The following PDE4D variants were observed in gnomAD, a reference collection of about 807,000 sequenced individuals.
PDE4D encodes the protein phosphodiesterase 4D.
Under a neutral mutation model 87.4 loss-of-function variants are expected in PDE4D, and 24 were observed. The ratio of observed to expected loss-of-function variants is 0.27; its 90% CI spans 0.20 to 0.39. The LOEUF (loss-of-function observed/expected upper bound fraction) is 0.39, where lower values mean the gene tolerates loss of function less well. Ranked by LOEUF, PDE4D falls within the 10% of genes least tolerant of loss-of-function variation. PDE4D has a pLI of 1.00. For synonymous variants in PDE4D, 384 were observed against 383.2 expected (o/e 1.00, Z -0.02); for missense variants, 714 against 1,041.0 (o/e 0.69, Z 4.32).
intron 5 of PDE4D, among the ~76,000 whole-genome samples, chr5:59,143,162 C>T (rs1482175090): frequency 6.7e-6 from 1 of 149,988 alleles, no homozygotes; most frequent in African/African-American, 2.5e-5. Flanking sequence ...CCTTCCCTTC[C>T]TCCCTCCTTC....
chr5:59,771,470 A>AAAGAGAGAGAGAGAG (rs1561637129), intron 1 of PDE4D, among the ~76,000 whole-genome samples: 7 of 92,340 alleles, frequency 7.6e-5, no homozygotes, highest in African/African-American at 3.5e-4. Flanking sequence ...AGAAAGAAAG[A>AAAGAGAGAGAGAGAG]AAGAAAGAAA....
chr5:60,459,951 C>G (rs1171205722), intron 1 of PDE4D: 4 of 744,258 alleles, frequency 5.4e-6, no homozygotes, highest in Non-Finnish European at 7.3e-6. Flanking sequence ...TTTATCCTTC[C>G]TCCTCTTCAT....
At chr5:59,300,152 C>T (rs757647837) in intron 1 of PDE4D, among the ~76,000 whole-genome samples, 2 of 145,996 alleles carry the variant, frequency 1.4e-5, no homozygotes, top group East Asian at 3.9e-4. Flanking sequence ...TACAGTGTCA[C>T]GTGAATCACA....
chr5:59,685,608 C>T (rs298073), intron 1 of PDE4D, among the ~76,000 whole-genome samples: 114,482 of 152,118 alleles, frequency 0.75, 43,204 homozygotes, highest in East Asian at 0.84. Flanking sequence ...TAATAGGAAG[C>T]AAACAATTGT....
Position 60,114,940 on chromosome 5 carries a change from A to C in PDE4D, c.42+70617T>G, listed in dbSNP as rs150101084. ...ATATAATCACATAGATTAGATAGAT[A>C]CATGGATGGATGGATGGATGGATGG... On this transcript the variant is annotated intron_variant, in intron 2 of 16. Transcript: ENST00000502484. 1.7e-4 allele frequency among the ~76,000 whole-genome samples: 12 copies of C among 71,704 alleles called. 1 individual carries two copies. Among genetic ancestry groups the C allele is most frequent in the African/African-American group, 6.0e-4 (11 of 18,268 alleles). The allele number at this position is 71,704 out of a possible 152,430, so 47.0% of individuals were successfully genotyped here.
chr5:59,942,768 T>C (rs138487736), intron 3 of PDE4D, among the ~76,000 whole-genome samples: 153 of 148,928 alleles, frequency 1.0e-3, no homozygotes, highest in Middle Eastern at 3.5e-3. Context: ...GGAATATAGC[T>C]AGAGAGAATA....
intron 1 of PDE4D, among the ~76,000 whole-genome samples, chr5:59,593,951 G>A (rs1431922537): frequency 6.6e-6 from 1 of 152,114 alleles, no homozygotes; most frequent in Non-Finnish European, 1.5e-5. Flanking sequence ...CTGAAGCTTG[G>A]TTCTTCCTGA....
Position 60,006,192 on chromosome 5 carries a change from G to A in PDE4D, c.43-17475C>T, listed in dbSNP as rs189940884. ...ATGAAACAAGAACTAGTTGTATATC[G>A]AGAATTGTTAAAACTGGGTGATGAG... On this transcript the variant is annotated intron_variant, in intron 2 of 16. Coordinates refer to the PDE4D transcript ENST00000502484. Among the ~76,000 whole-genome samples the A allele has an allele frequency of 1.8e-3, 271 of 151,892 alleles. 1 individual carries two copies. Among genetic ancestry groups the A allele is most frequent in the African/African-American group, 6.0e-3 (248 of 41,506 alleles).
chr5:60,299,947 T>A (rs1241334250), intron 1 of PDE4D, among the ~76,000 whole-genome samples: 1 of 152,226 alleles, frequency 6.6e-6, no homozygotes, highest in East Asian at 1.9e-4. Flanking sequence ...ATGGTATTTC[T>A]GCCTCAAGGT....
At chr5:59,928,758 C>T (rs1431535231) in intron 3 of PDE4D, among the ~76,000 whole-genome samples, 12 of 151,828 alleles carry the variant, frequency 7.9e-5, no homozygotes, top group Admixed American at 7.9e-4. Context: ...CTGTATATAT[C>T]TCTCTTTATA....
At chr5:59,999,111 T>A (rs571962739) in intron 2 of PDE4D, among the ~76,000 whole-genome samples, 1 of 152,210 alleles carries the variant, frequency 6.6e-6, no homozygotes, top group African/African-American at 2.4e-5. Context: ...AAAATAATAG[T>A]CTCATTGAAA....
chr5:59,173,946 T>C (rs1256699850), intron 5 of PDE4D, among the ~76,000 whole-genome samples: 4 of 152,216 alleles, frequency 2.6e-5, no homozygotes. Flanking sequence ...AAACTATATA[T>C]ACTACTTGCT....
rs1308199009 is a variant in PDE4D, at chr5:60,337,374, T to TAA, written c.-90+150567_-90+150568insTT. ...AACTATATATATATATATATATATATATATATATATATATACACACACACA... is the reference window on the plus strand; with the variant it reads ...AACTATATATATATATATATATATATAAATATATATATATATACACACACACA... On this transcript the variant is annotated intron_variant, in intron 1 of 16. Coordinates refer to the PDE4D transcript ENST00000502484. Among the ~76,000 whole-genome samples the TAA allele has an allele frequency of 4.2e-5, 5 of 118,140 alleles. 1 individual carries two copies. In the East Asian group the frequency reaches 1.2e-3, roughly 28 times the overall value. 77.5% of individuals were successfully genotyped at this position (118,140 alleles called of 152,430 possible).
intron 1 of PDE4D, chr5:60,431,198 GGGTGGCTGCT>G (rs1205172649): frequency 5.2e-6 from 1 of 193,610 alleles, no homozygotes; most frequent in Non-Finnish European, 1.0e-5. Flanking sequence ...CTCCCAGACA[GGGTGGCTGCT>G]GGGCGGAGAC....
intron 1 of PDE4D, among the ~76,000 whole-genome samples, chr5:60,291,815 C>T (rs1311222868): frequency 2.6e-5 from 4 of 151,986 alleles, no homozygotes; most frequent in African/African-American, 9.7e-5. Flanking sequence ...GTTTCACTTC[C>T]GGGAATCTAT....
chr5:60,232,169 T>C (rs1037517888), intron 1 of PDE4D, among the ~76,000 whole-genome samples: 1 of 151,938 alleles, frequency 6.6e-6, no homozygotes, highest in Non-Finnish European at 1.5e-5. Flanking sequence ...ATTGCTTCAA[T>C]TAAAGCAGTT....
intron 1 of PDE4D, among the ~76,000 whole-genome samples, chr5:60,430,538 T>TG: frequency 8.3e-6 from 1 of 120,092 alleles, no homozygotes; most frequent in East Asian, 3.0e-4. Flanking sequence ...GTGTTTTGTT[T>TG]TTTTTTGTTT....
chr5:60,151,498 T>C (rs766186453), intron 2 of PDE4D, among the ~76,000 whole-genome samples: 1 of 152,194 alleles, frequency 6.6e-6, no homozygotes, highest in Non-Finnish European at 1.5e-5. Context: ...CTAAATATTA[T>C]ATTTTTTGAT....
At chr5:59,930,357 G>A (rs1755781099) in intron 3 of PDE4D, among the ~76,000 whole-genome samples, 1 of 152,032 alleles carries the variant, frequency 6.6e-6, no homozygotes, top group Non-Finnish European at 1.5e-5. Context: ...AAGAAGTGAA[G>A]AGAATCAGAG....
Sources: allele counts gnomAD v4.1 joint callset (sites outside exome capture counted in the v4.1 genomes callset), GRCh38; gene constraint gnomAD v4.1.1; transcripts MANE v1.5; gene names NCBI Gene and HGNC (gene_info 2026-07-23, HGNC 2026-07-21).